CREBRF: variants seen among roughly 807,000 people sequenced by gnomAD.
CREBRF encodes UPF0474 protein C5orf41.
Under a neutral mutation model 66.1 loss-of-function variants are expected in CREBRF, and 5 were observed. The ratio of observed to expected loss-of-function variants is 0.08; its 90% CI spans 0.04 to 0.16. CREBRF has a LOEUF of 0.16. Among genes scored for constraint, CREBRF ranks in the 10% least tolerant of loss-of-function variants. The pLI, the probability that CREBRF is intolerant of heterozygous loss-of-function variation, is 1.00. For missense variants in CREBRF, 531 were observed against 744.9 expected (o/e 0.71, Z 3.34); for synonymous variants, 229 against 264.4 (o/e 0.87, Z 1.30).
rs1232528283 is a variant in CREBRF, at chr5:173,086,334, TCAGTG to T, written c.10-166_10-162del. 1.3e-4 allele frequency: 87 copies of T among 667,074 alleles called. No homozygotes were observed. The African/African-American group carries it at 1.4e-3, about 11-fold the overall frequency. 41.3% of individuals were successfully genotyped at this position (667,074 alleles called of 1,614,324 possible). A position where few individuals can be genotyped will look rare whatever the true frequency, so the allele number is the denominator to read the frequency against. ...TATTTTCCTAATATAAGTCTACAGT[TCAGTG>T]TTAGCCAAAGCTCTTAAATATACTA... On this transcript the variant is annotated intron_variant, in intron 2 of 8. Coordinates refer to ENST00000296953, the MANE Select transcript of CREBRF (RefSeq NM_153607.3).
At chr5:173,122,956 C>A in intron 7 of CREBRF, 124 bp from the exon 8 acceptor site, 1 of 805,906 alleles carries the variant, frequency 1.2e-6, no homozygotes, top group Non-Finnish European at 1.9e-6. Flanking sequence ...GCATAGTATT[C>A]CATGGTGTAT....
intron 7 of CREBRF, among the ~76,000 whole-genome samples, chr5:173,116,089 A>G (rs1185154072): frequency 6.6e-6 from 1 of 152,218 alleles, no homozygotes; most frequent in African/African-American, 2.4e-5. Context: ...GTTTGAGACT[A>G]GCCTGGATGA....
At chr5:173,106,718 G>A (rs1035742665) in intron 4 of CREBRF, among the ~76,000 whole-genome samples, 7 of 148,816 alleles carry the variant, frequency 4.7e-5, no homozygotes, top group African/African-American at 7.4e-5. Flanking sequence ...GATCACCCCC[G>A]AAAATTCCCT....
chr5:173,088,489 CAAA>C (rs553969460), intron 3 of CREBRF, among the ~76,000 whole-genome samples: 3 of 83,576 alleles, frequency 3.6e-5, no homozygotes, highest in Non-Finnish European at 2.1e-5. Context: ...GACCCCGTCT[CAAA>C]AAAAAAAAAA....
At chr5:173,060,074 G>T (rs1245161711) in intron 1 of CREBRF, among the ~76,000 whole-genome samples, 2 of 152,130 alleles carry the variant, frequency 1.3e-5, no homozygotes, top group African/African-American at 4.8e-5. Flanking sequence ...TTAAATACAA[G>T]TGACAGTGAA....
intron 1 of CREBRF, among the ~76,000 whole-genome samples, chr5:173,074,409 G>C (rs1338160803): frequency 2.0e-5 from 3 of 151,896 alleles, no homozygotes; most frequent in African/African-American, 7.3e-5. Context: ...AGGAGCCTTT[G>C]GAAAGGAATT....
chr5:173,069,971 C>T (rs917752480), intron 1 of CREBRF, among the ~76,000 whole-genome samples: 1 of 151,318 alleles, frequency 6.6e-6, no homozygotes, highest in Non-Finnish European at 1.5e-5. Flanking sequence ...GGCGTGATCT[C>T]GGCTTACTGT....
rs971778795 is a variant in CREBRF, at chr5:173,138,940, C to A, written c.*5195C>A. The A allele has an allele frequency of 1.3e-5, 2 of 152,042 alleles. No homozygotes were observed. Among genetic ancestry groups the A allele is most frequent in the Admixed American group, 6.6e-5 (1 of 15,260 alleles). The allele number at this position is 152,042 out of a possible 1,614,324, so 9.4% of individuals were successfully genotyped here. A position where few individuals can be genotyped will look rare whatever the true frequency, so the allele number is the denominator to read the frequency against. On this transcript the variant is annotated 3_prime_UTR_variant, in exon 9 of 9. Transcript: ENST00000296953. ...AGCATTTGTTCATACAATGTGGCAA[C>A]CTCTTTTGCATAGTTGCGTAGGATC...
intron 3 of CREBRF, among the ~76,000 whole-genome samples, chr5:173,089,711 A>G (rs1014034819): frequency 6.6e-6 from 1 of 151,726 alleles, no homozygotes; most frequent in Non-Finnish European, 1.5e-5. Flanking sequence ...CGTGAGGAGT[A>G]TTTTACTCTG....
chr5:173,130,637 G>C (rs1759401548), intron 8 of CREBRF, among the ~76,000 whole-genome samples: 1 of 151,814 alleles, frequency 6.6e-6, no homozygotes, highest in Non-Finnish European at 1.5e-5. Flanking sequence ...TGATCTTTCA[G>C]CACCAACTCC....
At chr5:173,067,514 T>C (rs547095441) in intron 1 of CREBRF, among the ~76,000 whole-genome samples, 1 of 152,286 alleles carries the variant, frequency 6.6e-6, no homozygotes, top group East Asian at 1.9e-4. Context: ...CAATGTCAGA[T>C]CTAATTTTTT....
intron 7 of CREBRF, among the ~76,000 whole-genome samples, chr5:173,118,271 A>G (rs528127216): frequency 1.3e-5 from 2 of 152,090 alleles, no homozygotes; most frequent in Admixed American, 1.3e-4. Flanking sequence ...CGGCCTCCCA[A>G]AGTGCTGGAT....
intron 4 of CREBRF, among the ~76,000 whole-genome samples, chr5:173,101,631 C>G (rs999713867): frequency 2.0e-5 from 3 of 151,946 alleles, no homozygotes; most frequent in Non-Finnish European, 4.4e-5. Flanking sequence ...TGACTCACTG[C>G]AACCTCTGCC....
At chr5:173,117,785 A>G (rs1267627703) in intron 7 of CREBRF, among the ~76,000 whole-genome samples, 4 of 147,758 alleles carry the variant, frequency 2.7e-5, no homozygotes, top group Non-Finnish European at 5.9e-5. Flanking sequence ...ATCTCAGCTC[A>G]CTGCAACCTC....
chr5:173,115,608 AT>A (rs1758969907), intron 7 of CREBRF, among the ~76,000 whole-genome samples: 1 of 151,640 alleles, frequency 6.6e-6, no homozygotes, highest in Non-Finnish European at 1.5e-5. Flanking sequence ...TCAGTGACAC[AT>A]TTTACATATA....
At chr5:173,107,939 C>G (rs1350210529) in intron 4 of CREBRF, among the ~76,000 whole-genome samples, 1 of 147,918 alleles carries the variant, frequency 6.8e-6, no homozygotes, top group Non-Finnish European at 1.5e-5. Context: ...TCAAGTGATT[C>G]TCATGTCTGT....
intron 4 of CREBRF, among the ~76,000 whole-genome samples, chr5:173,106,783 CTTG>C (rs1239904868): frequency 6.6e-6 from 1 of 150,788 alleles, no homozygotes; most frequent in East Asian, 1.9e-4. Context: ...GAGTCTTGCT[CTTG>C]TTGTCCAGGC....
intron 2 of CREBRF, among the ~76,000 whole-genome samples, chr5:173,083,186 C>G (rs2113714553): frequency 6.6e-6 from 1 of 151,586 alleles, no homozygotes; most frequent in Non-Finnish European, 1.5e-5. Flanking sequence ...TGAGATCATG[C>G]CAACAGAGCG....
At position 173,116,143 on chromosome 5, in the gene CREBRF, A is replaced by G. The variant is rs116681762; in HGVS notation, c.1681+3764A>G. ...CTTTAAAAACAGAACAAAAACCTCA[A>G]ATCACCAAGGCAGTCTCTGAAGAGG... On this transcript the variant is annotated intron_variant, in intron 7 of 8. Transcript: ENST00000296953. 3.6e-3 allele frequency among the ~76,000 whole-genome samples: 547 copies of G among 152,316 alleles called. 3 individuals carry two copies. Among genetic ancestry groups the G allele is most frequent in the African/African-American group, 0.012 (507 of 41,572 alleles).
Sources: allele counts gnomAD v4.1 joint callset (sites outside exome capture counted in the v4.1 genomes callset), GRCh38; gene constraint gnomAD v4.1.1; transcripts MANE v1.5; gene names NCBI Gene and HGNC (gene_info 2026-07-23, HGNC 2026-07-21).